The following GSK3B variants were observed in gnomAD, a reference collection of about 807,000 sequenced individuals.
GSK3B encodes the protein glycogen synthase kinase-3 beta.
Under a neutral mutation model 56.4 loss-of-function variants are expected in GSK3B, and 15 were observed. The observed-to-expected ratio is 0.27, with a 90% CI of 0.18 to 0.41. The LOEUF (loss-of-function observed/expected upper bound fraction) is 0.41. GSK3B is among the 10% of genes least tolerant of loss of function. GSK3B has a pLI of 1.00. For missense variants in GSK3B, 300 were observed against 513.4 expected, an observed-to-expected ratio of 0.58 and a Z score of 4.02; for synonymous variants, 181 against 188.9, an observed-to-expected ratio of 0.96 and a Z score of 0.34.
At chr3:120,050,020 G>C (rs1053319339) in intron 1 of GSK3B, among the ~76,000 whole-genome samples, 1 of 152,156 alleles carries the variant, frequency 6.6e-6, no homozygotes, top group Admixed American at 6.5e-5. Context: ...AAATTTAAAG[G>C]GCATGGCCCT....
At chr3:119,905,442 T>G (rs2056673260) in intron 7 of GSK3B, among the ~76,000 whole-genome samples, 2 of 152,136 alleles carry the variant, frequency 1.3e-5, no homozygotes, top group Admixed American at 6.5e-5. Flanking sequence ...CTGCTTTTAT[T>G]CAGCTTACAT....
At chr3:119,996,202 C>CA (rs1310444441) in intron 2 of GSK3B, among the ~76,000 whole-genome samples, 1 of 152,230 alleles carries the variant, frequency 6.6e-6, no homozygotes, top group Non-Finnish European at 1.5e-5. Flanking sequence ...AATACCCACA[C>CA]AATCCTAGCA....
At chr3:119,891,446 T>A (rs2056501034) in intron 7 of GSK3B, among the ~76,000 whole-genome samples, 1 of 152,120 alleles carries the variant, frequency 6.6e-6, no homozygotes, top group South Asian at 2.1e-4. Context: ...TTTATTAGGT[T>A]CAGAGTATAT....
At chr3:119,920,251 T>G (rs561294706) in intron 4 of GSK3B, among the ~76,000 whole-genome samples, 1 of 152,226 alleles carries the variant, frequency 6.6e-6, no homozygotes, top group East Asian at 1.9e-4. Context: ...AATTATTCAA[T>G]TTTTTTGAGA....
At chr3:120,013,117 G>A (rs2057793655) in intron 1 of GSK3B, among the ~76,000 whole-genome samples, 1 of 152,080 alleles carries the variant, frequency 6.6e-6, no homozygotes, top group Non-Finnish European at 1.5e-5. Flanking sequence ...ATTTTTTGAA[G>A]TCTTCTCAAG....
chr3:119,874,654 T>G (rs565105388), intron 8 of GSK3B, among the ~76,000 whole-genome samples: 34 of 150,710 alleles, frequency 2.3e-4, no homozygotes, highest in African/African-American at 8.0e-4. Flanking sequence ...ATACTTAGAT[T>G]ACACCAAAAA....
chr3:119,918,233 G>A (rs533031598), intron 4 of GSK3B, among the ~76,000 whole-genome samples: 8 of 152,186 alleles, frequency 5.3e-5, no homozygotes, highest in Non-Finnish European at 8.8e-5. Flanking sequence ...CACTTTGGGA[G>A]ACCAAGGCAG....
intron 1 of GSK3B, among the ~76,000 whole-genome samples, chr3:120,078,451 A>G (rs1576314009): frequency 2.0e-5 from 3 of 152,226 alleles, no homozygotes; most frequent in African/African-American, 7.2e-5. Flanking sequence ...GGAAGTCATG[A>G]CAAATACGAC....
At chr3:119,882,014 T>C (rs2056384475) in intron 7 of GSK3B, among the ~76,000 whole-genome samples, 1 of 152,208 alleles carries the variant, frequency 6.6e-6, no homozygotes, top group South Asian at 2.1e-4. Context: ...TGTGGAACTG[T>C]AAGTCAATTA....
intron 5 of GSK3B, among the ~76,000 whole-genome samples, chr3:119,913,985 A>T (rs79946748): frequency 0.016 from 2,381 of 152,206 alleles, 26 homozygotes; most frequent in South Asian, 0.039. Flanking sequence ...AACAAGATAG[A>T]TGCTAATTAT....
chr3:119,840,080 AGCAGTC>A (rs1039064440), intron 10 of GSK3B, among the ~76,000 whole-genome samples: 2 of 152,216 alleles, frequency 1.3e-5, no homozygotes, highest in African/African-American at 4.8e-5. Flanking sequence ...TCTGTAGCTT[AGCAGTC>A]CCTCACTCTG....
intron 1 of GSK3B, among the ~76,000 whole-genome samples, chr3:120,008,699 AAATCAACTC>A (rs2057751425): frequency 6.6e-6 from 1 of 152,316 alleles, no homozygotes; most frequent in East Asian, 1.9e-4. Context: ...CCTTATAGAA[AAATCAACTC>A]AAGATGGATC....
chr3:120,088,539 G>A (rs974327685), intron 1 of GSK3B, among the ~76,000 whole-genome samples: 28 of 152,270 alleles, frequency 1.8e-4, no homozygotes, highest in African/African-American at 6.7e-4. Context: ...TGCCAAGAGT[G>A]CAACCTCCGC....
intron 3 of GSK3B, among the ~76,000 whole-genome samples, chr3:119,930,680 A>C (rs962294639): frequency 6.6e-6 from 1 of 152,266 alleles, no homozygotes; most frequent in African/African-American, 2.4e-5. Flanking sequence ...ATCAAACTTG[A>C]CAGTAATACA....
At chr3:119,988,129 C>T (rs1203377752) in intron 2 of GSK3B, among the ~76,000 whole-genome samples, 2 of 152,054 alleles carry the variant, frequency 1.3e-5, no homozygotes, top group Non-Finnish European at 2.9e-5. Flanking sequence ...GAGACTGTAA[C>T]ATCAGAATAG....
At chr3:120,073,156 G>A (rs929555526) in intron 1 of GSK3B, among the ~76,000 whole-genome samples, 1 of 147,766 alleles carries the variant, frequency 6.8e-6, no homozygotes, top group African/African-American at 2.5e-5. Flanking sequence ...AGAGGACAAG[G>A]CAGAAGAATT....
chr3:119,940,924 G>A (rs1473619290), intron 3 of GSK3B, among the ~76,000 whole-genome samples: 2 of 151,798 alleles, frequency 1.3e-5, no homozygotes, highest in Admixed American at 6.6e-5. Flanking sequence ...TAAGTAATGT[G>A]TTTAGATTAA....
chr3:120,005,731 G>C (rs2057721452), intron 1 of GSK3B, among the ~76,000 whole-genome samples: 5 of 152,208 alleles, frequency 3.3e-5, no homozygotes, highest in Middle Eastern at 3.2e-3. Context: ...AATGCTGAGA[G>C]ATTTTGTCAC....
chr3:120,014,112 G>A (rs2057803508), intron 1 of GSK3B, among the ~76,000 whole-genome samples: 1 of 145,210 alleles, frequency 6.9e-6, no homozygotes, highest in Non-Finnish European at 1.5e-5. Flanking sequence ...TCCAGCCTGG[G>A]AGACAGAGTG....
Sources: allele counts gnomAD v4.1 joint callset (sites outside exome capture counted in the v4.1 genomes callset), GRCh38; gene constraint gnomAD v4.1.1; transcripts MANE v1.5; gene names NCBI Gene and HGNC (gene_info 2026-07-23, HGNC 2026-07-21).